DAB1: variants seen among roughly 807,000 people sequenced by gnomAD.
DAB1 encodes the protein DAB adaptor protein 1.
Under a neutral mutation model 64.6 loss-of-function variants are expected in DAB1, and 15 were observed. That is an observed-to-expected ratio of 0.23 (90% confidence interval 0.16 to 0.36). The LOEUF is 0.36. DAB1 is among the 10% of genes least tolerant of loss of function. DAB1 has a pLI of 1.00. For synonymous variants in DAB1, 235 were observed against 251.9 expected, an observed-to-expected ratio of 0.93 and a Z score of 0.64; for missense variants, 596 against 706.7, an observed-to-expected ratio of 0.84 and a Z score of 1.78.
chr1:57,453,764 G>T (rs1419776034), intron 7 of DAB1, among the ~76,000 whole-genome samples: 1 of 152,088 alleles, frequency 6.6e-6, no homozygotes, highest in Non-Finnish European at 1.5e-5. Context: ...TACAACCTAA[G>T]ATGTAAGTGC....
At chr1:58,194,094 T>C (rs1657537019) in intron 4 of DAB1, among the ~76,000 whole-genome samples, 1 of 152,236 alleles carries the variant, frequency 6.6e-6, no homozygotes. Flanking sequence ...TGTATCTGTA[T>C]TAAATGCCTC....
Sources: allele counts gnomAD v4.1 joint callset (sites outside exome capture counted in the v4.1 genomes callset), GRCh38; gene constraint gnomAD v4.1.1; transcripts MANE v1.5; gene names NCBI Gene and HGNC (gene_info 2026-07-23, HGNC 2026-07-21).